Variants in RAPGEF1 observed in about 807,000 individuals in gnomAD.
RAPGEF1 encodes Rap guanine nucleotide exchange factor 1.
In RAPGEF1, 33 loss-of-function variants were observed where a neutral mutation model predicts 143.3. The ratio of observed to expected loss-of-function variants is 0.23; its 90% confidence interval spans 0.17 to 0.31. RAPGEF1 has a LOEUF of 0.31. Ranked by LOEUF, RAPGEF1 falls within the 10% of genes least tolerant of loss-of-function variation. The pLI is 1.00. For missense variants in RAPGEF1, 1,199 were observed against 1,645.4 expected (o/e 0.73, Z 4.69); for synonymous variants, 629 against 676.5 (o/e 0.93, Z 1.09).
At chr9:131,729,607 C>T (rs529201035) in intron 1 of RAPGEF1, among the ~76,000 whole-genome samples, 6 of 152,302 alleles carry the variant, frequency 3.9e-5, no homozygotes, top group African/African-American at 1.4e-4. Flanking sequence ...AGTGGTGGTG[C>T]CGGCAAGTCA....
intron 12 of RAPGEF1, among the ~76,000 whole-genome samples, chr9:131,614,280 A>T (rs1301065429): frequency 6.6e-6 from 1 of 152,252 alleles, no homozygotes; most frequent in Non-Finnish European, 1.5e-5. Flanking sequence ...ACAAGATGGC[A>T]TCAGGGAGGA....
intron 12 of RAPGEF1, among the ~76,000 whole-genome samples, chr9:131,613,349 T>C (rs1255030410): frequency 6.6e-6 from 1 of 151,688 alleles, no homozygotes; most frequent in Non-Finnish European, 1.5e-5. Context: ...AGGTTCGTGG[T>C]AAGGTGGGGA....
intron 5 of RAPGEF1, among the ~76,000 whole-genome samples, chr9:131,634,294 C>T (rs1965734303): frequency 6.6e-6 from 1 of 152,112 alleles, no homozygotes; most frequent in South Asian, 2.1e-4. Flanking sequence ...TCTATGTCTA[C>T]AGCAGTGACT....
chr9:131,728,781 A>C (rs1481064821), intron 1 of RAPGEF1, among the ~76,000 whole-genome samples: 1 of 152,230 alleles, frequency 6.6e-6, no homozygotes, highest in Non-Finnish European at 1.5e-5. Flanking sequence ...TGGTCACTTT[A>C]GAGTAGAAGG....
At chr9:131,590,000 T>G in intron 18 of RAPGEF1, 22 bp from the exon 19 acceptor site, 1 of 1,605,634 alleles carries the variant, frequency 6.2e-7, no homozygotes, top group Non-Finnish European at 8.5e-7. Flanking sequence ...GTTAAAGAAA[T>G]AGCCATGTGG....
chr9:131,707,043 T>C (rs1455353879), intron 1 of RAPGEF1, among the ~76,000 whole-genome samples: 1 of 152,246 alleles, frequency 6.6e-6, no homozygotes, highest in Non-Finnish European at 1.5e-5. Context: ...TTTTAACTCA[T>C]GGTTTTCTAA....
At chr9:131,608,052 C>G (rs1957393417) in intron 12 of RAPGEF1, among the ~76,000 whole-genome samples, 1 of 152,238 alleles carries the variant, frequency 6.6e-6, no homozygotes, top group African/African-American at 2.4e-5. Context: ...AGTTGCCCCT[C>G]ATGGCATCTC....
chr9:131,633,991 G>T (rs777001503), intron 5 of RAPGEF1, among the ~76,000 whole-genome samples: 43 of 152,222 alleles, frequency 2.8e-4, no homozygotes, highest in Admixed American at 4.6e-4. Context: ...GCCAGACGTG[G>T]TTGCTCATGC....
chr9:131,677,469 C>T (rs956484273), intron 1 of RAPGEF1, among the ~76,000 whole-genome samples: 7 of 152,202 alleles, frequency 4.6e-5, no homozygotes, highest in Middle Eastern at 6.3e-3. Flanking sequence ...GACAACATTC[C>T]TTTCTCCTAA....
At chr9:131,692,844 C>T (rs898061983) in intron 1 of RAPGEF1, among the ~76,000 whole-genome samples, 4 of 152,168 alleles carry the variant, frequency 2.6e-5, no homozygotes, top group South Asian at 2.1e-4. Context: ...ACCTTCTAGC[C>T]GAACAGGAAA....
At chr9:131,589,032 C>T in intron 19 of RAPGEF1, 46 bp from the exon 20 acceptor site, 2 of 1,573,928 alleles carry the variant, frequency 1.3e-6, no homozygotes. Flanking sequence ...ACGCAAGGCC[C>T]AGGCAGAGTC....
intron 3 of RAPGEF1, among the ~76,000 whole-genome samples, chr9:131,645,674 C>G (rs2133356578): frequency 6.6e-6 from 1 of 152,382 alleles, no homozygotes; most frequent in East Asian, 1.9e-4. Context: ...CAGCCACATC[C>G]AGCACTGGCT....
chr9:131,577,588 G>A lies in RAPGEF1; in HGVS notation c.*1909C>T, dbSNP rs1417485758. 2.0e-5 allele frequency: 3 copies of A among 152,302 alleles called. No individual in the cohort carries two copies. The highest frequency in any genetic ancestry group is 2.0e-4 in the Admixed American group (3 of 15,278). The allele number at this position is 152,302 out of a possible 1,614,324, so 9.4% of individuals were successfully genotyped here. A position where few individuals can be genotyped will look rare whatever the true frequency, so the allele number is the denominator to read the frequency against. ...ACACAACCCAAGGGCCCTGTGTGCA[G>A]AGCGGCCCTCACACGCGCACAGCAG... On this transcript the variant is annotated 3_prime_UTR_variant, in exon 27 of 27. Transcript: ENST00000683357.
At chr9:131,587,362 G>C (rs1351410430) in intron 22 of RAPGEF1, among the ~76,000 whole-genome samples, 1 of 152,232 alleles carries the variant, frequency 6.6e-6, no homozygotes, top group East Asian at 1.9e-4. Context: ...TAACGTTATA[G>C]AGCCCACTCC....
chr9:131,629,224 C>T lies in RAPGEF1; in HGVS notation c.771G>A (p.Glu257=). The T allele has an allele frequency of 6.2e-7, 1 of 1,613,920 alleles. No individual in the cohort carries two copies. Among genetic ancestry groups the T allele is most frequent in the Non-Finnish European group, 8.5e-7 (1 of 1,179,850 alleles). ...GPAELPLTDR[E]VEILNKTTGM... The stretch of plus-strand genomic sequence containing the variant: ...CAGTCGTCTTGTTTAGGATCTCTAC[C>T]TCGCGGTCTGTCAGGGGGAGCTCTG... The change falls in exon 7 of 27, where the codon GAG becomes GAA. Residue 257 remains glutamate (E), a synonymous_variant. Coordinates refer to ENST00000683357, the MANE Select transcript of RAPGEF1 (RefSeq NM_001377935.1).
chr9:131,613,683 G>A (rs1056464384), intron 12 of RAPGEF1, among the ~76,000 whole-genome samples: 1 of 152,188 alleles, frequency 6.6e-6, no homozygotes, highest in African/African-American at 2.4e-5. Flanking sequence ...CAGGCATGGG[G>A]ACTAATTTCT....
chr9:131,597,168 C>G (rs1955444693), intron 16 of RAPGEF1, among the ~76,000 whole-genome samples: 1 of 152,226 alleles, frequency 6.6e-6, no homozygotes, highest in African/African-American at 2.4e-5. Flanking sequence ...ACGGAACCAG[C>G]CCTCTCAGCT....
intron 1 of RAPGEF1, among the ~76,000 whole-genome samples, chr9:131,656,070 G>A (rs958050127): frequency 6.6e-6 from 1 of 152,128 alleles, no homozygotes; most frequent in Non-Finnish European, 1.5e-5. Flanking sequence ...AATACAATAA[G>A]GTATTTCACA....
chr9:131,672,666 G>A (rs1323106835), intron 1 of RAPGEF1, among the ~76,000 whole-genome samples: 1 of 152,228 alleles, frequency 6.6e-6, no homozygotes, highest in Non-Finnish European at 1.5e-5. Flanking sequence ...GGGCACATGG[G>A]AAGTGACAGG....
Sources: gnomAD v4.1 joint callset for allele counts (sites outside exome capture counted in the v4.1 genomes callset) on GRCh38, gnomAD v4.1.1 for gene constraint, MANE v1.5 for transcripts, NCBI Gene and HGNC (gene_info 2026-07-23, HGNC 2026-07-21) for gene names.